BTBD9: variants seen among roughly 807,000 people sequenced by gnomAD.
BTBD9 encodes BTB/POZ domain-containing protein 9.
Under a neutral mutation model 64.3 loss-of-function variants are expected in BTBD9, and 49 were observed. The observed-to-expected ratio is 0.76, with a 90% confidence interval of 0.61 to 0.97. The LOEUF (loss-of-function observed/expected upper bound fraction) is 0.97. Among genes scored for constraint, BTBD9 ranks in the 50% least tolerant of loss-of-function variants. The pLI is 0.00. For synonymous variants in BTBD9, 260 were observed against 274.7 expected (o/e 0.95, Z 0.53); for missense variants, 598 against 762.1 (o/e 0.78, Z 2.53).
At position 38,566,708 on chromosome 6, in the gene BTBD9, A is replaced by C. The variant is rs183440708; in HGVS notation, c.1154+10892T>G. ...CTATTGTTTTGTGTGTAAGAGCTGA[A>C]TATGCAAATGAGACCAAAATGGAGA... On this transcript the variant is annotated intron_variant, in intron 6 of 10. Transcript: ENST00000481247. 3.0e-4 allele frequency among the ~76,000 whole-genome samples: 46 copies of C among 152,352 alleles called. No homozygotes were observed. The East Asian group carries it at 8.9e-3, about 29-fold the overall frequency.
chr6:38,626,192 G>A (rs1778161002), intron 1 of BTBD9, among the ~76,000 whole-genome samples: 1 of 152,150 alleles, frequency 6.6e-6, no homozygotes, highest in African/African-American at 2.4e-5. Context: ...TACATAGTAG[G>A]TATATACATT....
chr6:38,413,003 T>C (rs1246089337), intron 6 of BTBD9, among the ~76,000 whole-genome samples: 2 of 152,212 alleles, frequency 1.3e-5, no homozygotes, highest in Non-Finnish European at 2.9e-5. Context: ...ACGGAACTGT[T>C]CAATGTGTGG....
intron 10 of BTBD9, among the ~76,000 whole-genome samples, chr6:38,177,173 G>A (rs182668944): frequency 6.6e-6 from 1 of 152,238 alleles, no homozygotes; most frequent in Admixed American, 6.5e-5. Context: ...AATATCTCCG[G>A]AGGCCGCTCC....
chr6:38,375,776 TAGA>T (rs1211543824), intron 6 of BTBD9, among the ~76,000 whole-genome samples: 2 of 151,992 alleles, frequency 1.3e-5, no homozygotes. Flanking sequence ...TCTTTTAAAA[TAGA>T]AGTAGTAGGT....
At chr6:38,460,512 A>G (rs1294965643) in intron 6 of BTBD9, among the ~76,000 whole-genome samples, 1 of 152,266 alleles carries the variant, frequency 6.6e-6, no homozygotes, top group African/African-American at 2.4e-5. Flanking sequence ...CTACACTAAT[A>G]GCTAGTGAAT....
chr6:38,580,661 C>T (rs566774572), intron 4 of BTBD9, among the ~76,000 whole-genome samples: 8 of 151,648 alleles, frequency 5.3e-5, no homozygotes, highest in African/African-American at 1.9e-4. Context: ...TTTGGGAGGC[C>T]GAGGCAGGTG....
chr6:38,258,617 G>A (rs915541321), intron 8 of BTBD9, among the ~76,000 whole-genome samples: 23 of 152,192 alleles, frequency 1.5e-4, no homozygotes, highest in Admixed American at 1.2e-3. Context: ...ATGGCCGGGC[G>A]CAGTGGCTCA....
intron 6 of BTBD9, among the ~76,000 whole-genome samples, chr6:38,548,503 T>C (rs1774656299): frequency 1.3e-5 from 2 of 152,216 alleles, no homozygotes. Context: ...TCCTTTTCCT[T>C]TAAAATGAAA....
intron 6 of BTBD9, among the ~76,000 whole-genome samples, chr6:38,543,568 A>G (rs1467161592): frequency 1.3e-5 from 2 of 152,180 alleles, no homozygotes; most frequent in African/African-American, 2.4e-5. Flanking sequence ...TCTAGAGGCT[A>G]GCCTTTTTTG....
chr6:38,422,858 G>C (rs1229046644), intron 6 of BTBD9, among the ~76,000 whole-genome samples: 2 of 152,068 alleles, frequency 1.3e-5, no homozygotes, highest in African/African-American at 2.4e-5. Context: ...TCAGCACTTT[G>C]GGAGGCTGAG....
At chr6:38,177,345 C>G (rs762104804) in intron 10 of BTBD9, among the ~76,000 whole-genome samples, 2 of 152,342 alleles carry the variant, frequency 1.3e-5, no homozygotes, top group East Asian at 3.9e-4. Flanking sequence ...AGCTCTTCCC[C>G]CACCGGCCCC....
Position 38,220,825 on chromosome 6 carries a change from A to C in BTBD9, c.1563-28228T>G, listed in dbSNP as rs546301817. On this transcript the variant is annotated intron_variant, in intron 9 of 10. Transcript: ENST00000481247. ...GCTGCCTTCTTGAGATTCTTGGGAC[A>C]CTACCAGGCCTGGCAAATATATTCT... Among the ~76,000 whole-genome samples, 10 of 152,344 alleles carry C rather than the reference A, an allele frequency of 6.6e-5. No homozygotes were observed. The South Asian group carries it at 1.9e-3, about 28-fold the overall frequency.
At chr6:38,240,487 A>G (rs145746772) in intron 9 of BTBD9, among the ~76,000 whole-genome samples, 2 of 152,334 alleles carry the variant, frequency 1.3e-5, no homozygotes, top group Non-Finnish European at 2.9e-5. Flanking sequence ...CCTACAGTTT[A>G]GGGTTCCTGG....
intron 10 of BTBD9, among the ~76,000 whole-genome samples, chr6:38,190,391 C>T (rs534521856): frequency 1.2e-4 from 18 of 146,540 alleles, no homozygotes; most frequent in South Asian, 6.5e-4. Context: ...ATCACTTGGA[C>T]GCAGGCGGCA....
In BTBD9 at chr6:38,437,506, A is replaced by T. The variant is rs79436773; in HGVS notation, c.1155-92413T>A. Among the ~76,000 whole-genome samples, 775 of 152,350 alleles carry T rather than the reference A, an allele frequency of 5.1e-3. 7 individuals are homozygous for T. The highest frequency in any genetic ancestry group is 0.017 in the African/African-American group (717 of 41,576). On this transcript the variant is annotated intron_variant, in intron 6 of 10. Transcript: ENST00000481247. ...TGAAAAGAAGACATGTGAAAATAAT[A>T]TATGTCTTTTTCTGGGTTTATTGTT... is the stretch of plus-strand genomic sequence containing the variant.
At chr6:38,344,885 A>G in intron 7 of BTBD9, 99 bp downstream of exon 7, 4 of 677,516 alleles carry the variant, frequency 5.9e-6, no homozygotes, top group Non-Finnish European at 9.3e-6. Flanking sequence ...TAAATCAACC[A>G]GAGTCCTTAG....
At chr6:38,228,073 CA>C (rs1763462102) in intron 9 of BTBD9, among the ~76,000 whole-genome samples, 1 of 152,206 alleles carries the variant, frequency 6.6e-6, no homozygotes, top group African/African-American at 2.4e-5. Context: ...CACCAGGAGT[CA>C]ACCCTGGCCA....
rs1198459437 is a variant in BTBD9, at chr6:38,171,923, G to A, written c.*3062C>T. On this transcript the variant is annotated 3_prime_UTR_variant, in exon 11 of 11. Coordinates refer to ENST00000481247, the MANE Select transcript of BTBD9 (RefSeq NM_001099272.2). Reference sequence around the variant, plus strand: ...TAATAATAATAATGAAAAGTGAAGGGTGGGGGTGCTGGCCACCTCCCATTT... The same window carrying A: ...TAATAATAATAATGAAAAGTGAAGGATGGGGGTGCTGGCCACCTCCCATTT... 7 of 147,634 alleles carry A rather than the reference G, an allele frequency of 4.7e-5. No homozygotes were observed. Among genetic ancestry groups the A allele is most frequent in the Non-Finnish European group, 9.0e-5 (6 of 66,986 alleles). 9.1% of individuals were successfully genotyped at this position (147,634 alleles called of 1,614,324 possible). A position where few individuals can be genotyped will look rare whatever the true frequency, so the allele number is the denominator to read the frequency against.
chr6:38,396,113 A>G (rs912338972), intron 6 of BTBD9, among the ~76,000 whole-genome samples: 4 of 152,192 alleles, frequency 2.6e-5, no homozygotes, highest in Non-Finnish European at 5.9e-5. Context: ...AGAAGTTAAA[A>G]AGACAGGGCC....
Sources: gnomAD v4.1 joint callset for allele counts (sites outside exome capture counted in the v4.1 genomes callset) on GRCh38, gnomAD v4.1.1 for gene constraint, MANE v1.5 for transcripts, NCBI Gene and HGNC (gene_info 2026-07-23, HGNC 2026-07-21) for gene names.